MYO3A: variants seen among roughly 807,000 people sequenced by gnomAD.
MYO3A encodes the protein myosin IIIA.
A neutral mutation model predicts 192.7 loss-of-function variants in MYO3A; 180 were observed. The ratio of observed to expected loss-of-function variants is 0.93; its 90% CI spans 0.83 to 1.06. The LOEUF is 1.06. MYO3A is among the 50% of genes least tolerant of loss of function. The pLI is 0.00. For synonymous variants in MYO3A, 628 were observed against 645.3 expected (o/e 0.97, Z 0.41); for missense variants, 1,896 against 1,905.0 (o/e 1.00, Z 0.09).
chr10:26,206,906 G>A (rs2132233198), intron 34 of MYO3A, among the ~76,000 whole-genome samples: 1 of 152,216 alleles, frequency 6.6e-6, no homozygotes, highest in East Asian at 1.9e-4. Context: ...TAACAGGTGT[G>A]AGATCTCATT....
At chr10:26,040,579 T>C (rs1843287357) in intron 10 of MYO3A, among the ~76,000 whole-genome samples, 1 of 152,088 alleles carries the variant, frequency 6.6e-6, no homozygotes, top group African/African-American at 2.4e-5. Context: ...GCAAAAATAA[T>C]AAGAAATGCA....
chr10:26,146,653 C>T lies in MYO3A; in HGVS notation c.2506-777C>T, dbSNP rs1019329590. On this transcript the variant is annotated intron_variant, in intron 22 of 34. Coordinates refer to ENST00000642920, the MANE Select transcript of MYO3A (RefSeq NM_017433.5). ...TTGGTGTAGGGTCTTACTCTTATACCTTATTTAACATTAATTACCTCCATA... is the reference window on the plus strand; with the variant it reads ...TTGGTGTAGGGTCTTACTCTTATACTTTATTTAACATTAATTACCTCCATA... Among the ~76,000 whole-genome samples, 7 of 152,176 alleles carry T rather than the reference C, an allele frequency of 4.6e-5. No homozygotes were observed. In the East Asian group the frequency reaches 1.4e-3, roughly 29 times the overall value.
At position 26,120,728 on chromosome 10, in the gene MYO3A, T is replaced by C. The variant is rs140587339; in HGVS notation, c.1829T>C (p.Ile610Thr). 2.7e-5 allele frequency: 44 copies of C among 1,614,092 alleles called. No individual in the cohort carries two copies. In the African/African-American group the frequency reaches 5.1e-4, roughly 19 times the overall value. The change falls in exon 18 of 35, where the codon ATT (isoleucine) becomes ACT (threonine). Residue 610 changes from isoleucine to threonine, a missense_variant. Physicochemically the swap from Ile to Thr is moderately conservative, Grantham distance 89. Transcript: ENST00000642920. ...GCTGCAATCTTGAATGTTGGCAACATTGAATTTTCTTCTGTGGCAACTGAA... is the reference window on the plus strand; with the variant it reads ...GCTGCAATCTTGAATGTTGGCAACACTGAATTTTCTTCTGTGGCAACTGAA... The part of the protein sequence containing the change: ...ILAAILNVGN[I>T]EFSSVATEHQ...
chr10:26,106,942 A>G (rs1042892868), intron 17 of MYO3A, among the ~76,000 whole-genome samples: 1 of 150,794 alleles, frequency 6.6e-6, no homozygotes, highest in Non-Finnish European at 1.5e-5. Context: ...TTTTTCTTTT[A>G]TATCAGATTT....
chr10:26,199,279 G>A (rs902270648), intron 32 of MYO3A, among the ~76,000 whole-genome samples: 3 of 152,162 alleles, frequency 2.0e-5, no homozygotes, highest in East Asian at 1.9e-4. Flanking sequence ...AAGGCCACGC[G>A]CAGCGGCTCA....
intron 14 of MYO3A, among the ~76,000 whole-genome samples, chr10:26,081,886 A>G (rs1057337878): frequency 4.1e-5 from 6 of 147,474 alleles, no homozygotes; most frequent in Middle Eastern, 3.6e-3. Context: ...TTCCTTTCCC[A>G]CTTCTGCAGT....
At chr10:26,052,251 C>G (rs1234866155) in intron 10 of MYO3A, among the ~76,000 whole-genome samples, 1 of 152,178 alleles carries the variant, frequency 6.6e-6, no homozygotes, top group Non-Finnish European at 1.5e-5. Context: ...TTCTTTCCAA[C>G]ATTGCTACAA....
chr10:26,203,881 T>G (rs1843788528), intron 34 of MYO3A, among the ~76,000 whole-genome samples: 1 of 152,220 alleles, frequency 6.6e-6, no homozygotes, highest in East Asian at 1.9e-4. Context: ...GTTTGGATCC[T>G]GATCCTGCTG....
At chr10:26,142,215 G>A (rs1840205296) in intron 20 of MYO3A, among the ~76,000 whole-genome samples, 1 of 152,204 alleles carries the variant, frequency 6.6e-6, no homozygotes, top group East Asian at 1.9e-4. Context: ...ATGTCACATA[G>A]TGTTCCACTC....
intron 10 of MYO3A, among the ~76,000 whole-genome samples, chr10:26,035,450 G>C (rs981911007): frequency 6.6e-6 from 1 of 152,206 alleles, no homozygotes; most frequent in Non-Finnish European, 1.5e-5. Context: ...CTGAGAATAA[G>C]TTACATTGTT....
At chr10:26,187,691 T>A (rs576575764) in intron 31 of MYO3A, among the ~76,000 whole-genome samples, 3 of 136,004 alleles carry the variant, frequency 2.2e-5, no homozygotes, top group Non-Finnish European at 4.6e-5. Context: ...CCTTCCTGTG[T>A]CCATGTGTTC....
At chr10:26,210,380 A>G (rs1844168919) in intron 34 of MYO3A, among the ~76,000 whole-genome samples, 1 of 152,196 alleles carries the variant, frequency 6.6e-6, no homozygotes, top group Admixed American at 6.5e-5. Flanking sequence ...TCCAGTTTTT[A>G]AGCCAAAAGC....
intron 17 of MYO3A, among the ~76,000 whole-genome samples, chr10:26,113,592 T>C (rs149412449): frequency 4.5e-4 from 69 of 152,322 alleles, no homozygotes; most frequent in African/African-American, 1.5e-3. Context: ...AGTTATTTTT[T>C]TCAATCAAAA....
chr10:26,067,784 G>A (rs921819227), intron 11 of MYO3A, among the ~76,000 whole-genome samples: 1 of 152,088 alleles, frequency 6.6e-6, no homozygotes, highest in Non-Finnish European at 1.5e-5. Flanking sequence ...AGAAATAAAT[G>A]CCCTCTTTTT....
intron 15 of MYO3A, among the ~76,000 whole-genome samples, 193 bp downstream of exon 15, chr10:26,088,598 T>C (rs1836489695): frequency 6.6e-6 from 1 of 152,216 alleles, no homozygotes; most frequent in South Asian, 2.1e-4. Flanking sequence ...ATAGAGGAAT[T>C]AATGTATAAC....
intron 4 of MYO3A, among the ~76,000 whole-genome samples, chr10:25,968,799 C>T (rs1270611272): frequency 6.6e-6 from 1 of 152,222 alleles, no homozygotes; most frequent in Non-Finnish European, 1.5e-5. Context: ...GGTCCTGCTC[C>T]ATCCCACCCA....
chr10:26,136,672 A>G (rs763568888), intron 20 of MYO3A, among the ~76,000 whole-genome samples: 22 of 152,230 alleles, frequency 1.4e-4, no homozygotes, highest in Non-Finnish European at 2.8e-4. Context: ...AGCCTACTTA[A>G]GCAGTGTTCA....
intron 17 of MYO3A, among the ~76,000 whole-genome samples, chr10:26,103,976 A>G (rs1046717551): frequency 6.6e-6 from 1 of 152,112 alleles, no homozygotes; most frequent in African/African-American, 2.4e-5. Context: ...CTTATTGGTC[A>G]TCTGTGGCTC....
At chr10:26,044,753 T>C (rs1843541620) in intron 10 of MYO3A, among the ~76,000 whole-genome samples, 1 of 152,142 alleles carries the variant, frequency 6.6e-6, no homozygotes, top group African/African-American at 2.4e-5. Context: ...TACATATCTG[T>C]GTCCTAAGGA....
Sources: allele counts gnomAD v4.1 joint callset (sites outside exome capture counted in the v4.1 genomes callset), GRCh38; gene constraint gnomAD v4.1.1; transcripts MANE v1.5; gene names NCBI Gene and HGNC (gene_info 2026-07-23, HGNC 2026-07-21).